The following TGIF1 variants were observed in gnomAD, a reference collection of about 807,000 sequenced individuals.
The protein encoded by TGIF1 is homeobox protein TGIF1.
Under a neutral mutation model 19.3 loss-of-function variants are expected in TGIF1, and 4 were observed. The ratio of observed to expected loss-of-function variants is 0.21; its 90% confidence interval spans 0.10 to 0.47. The LOEUF (loss-of-function observed/expected upper bound fraction) is 0.47. TGIF1 is among the 20% of genes least tolerant of loss of function. The pLI, the probability that TGIF1 is intolerant of heterozygous loss-of-function variation, is 0.98. For synonymous variants in TGIF1, 122 were observed against 129.3 expected, an observed-to-expected ratio of 0.94 and a Z score of 0.38; for missense variants, 275 against 341.4, an observed-to-expected ratio of 0.81 and a Z score of 1.53.
In TGIF1 at chr18:3,451,962, G is replaced by C; in HGVS notation, c.16+1457G>C. On this transcript the variant is annotated intron_variant, in intron 1 of 2. Transcript: ENST00000343820. The surrounding 1 kb of genome is among the most constrained non-coding windows in gnomAD (Gnocchi z 5.4). ...GGTGGGCCTCCCGGGAATAAGTGAG[G>C]GGCTCTGTGTTTCGAGGATGGTTCT... The C allele has an allele frequency of 6.4e-7, 1 of 1,564,706 alleles. No individual in the cohort carries two copies. The highest frequency in any genetic ancestry group is 1.2e-5 in the South Asian group (1 of 83,242).
At chr18:3,437,640 A>G (rs547543504) in intron 2 of TGIF1, among the ~76,000 whole-genome samples, 25 of 152,216 alleles carry the variant, frequency 1.6e-4, no homozygotes, top group Non-Finnish European at 2.9e-4. Context: ...TTGTATTTCA[A>G]AGCTACACGG....
chr18:3,416,823 C>G (rs1326387968), intron 1 of TGIF1, among the ~76,000 whole-genome samples: 1 of 148,718 alleles, frequency 6.7e-6, no homozygotes, highest in African/African-American at 2.5e-5. Context: ...TCCAACTACT[C>G]AGGAGGCTGA....
chr18:3,433,674 G>T (rs1304387749), intron 2 of TGIF1, among the ~76,000 whole-genome samples: 1 of 152,114 alleles, frequency 6.6e-6, no homozygotes, highest in Non-Finnish European at 1.5e-5. Context: ...GGGTAAAGAG[G>T]TTATTTTTTA....
upstream of TGIF1, chr18:3,448,133 G>C (rs1484862484): frequency 9.1e-6 from 9 of 984,176 alleles, no homozygotes; most frequent in Non-Finnish European, 8.4e-6. Context: ...CTTCGAAAGC[G>C]GCCGAGGCAG....
At chr18:3,445,756 G>GAAAAAAAAAAAAAAAAAAAAAAAAAAAA, upstream of TGIF1, among the ~76,000 whole-genome samples, 1 of 22,746 alleles carries the variant, frequency 4.4e-5, no homozygotes, top group South Asian at 1.7e-3. Context: ...AAAAAAAAGA[G>GAAAAAAAAAAAAAAAAAAAAAAAAAAAA]AAGAAAAGCA....
intron 2 of TGIF1, among the ~76,000 whole-genome samples, chr18:3,429,483 GTT>G (rs1229138133): frequency 6.6e-6 from 1 of 152,030 alleles, no homozygotes; most frequent in Non-Finnish European, 1.5e-5. Flanking sequence ...GATAGTAAAT[GTT>G]GCTAATGGAA....
chr18:3,450,168 TCTCA>T (rs1395816223), exon 1 of TGIF1: 16 of 1,293,942 alleles, frequency 1.2e-5, no homozygotes, highest in Middle Eastern at 3.0e-4. Context: ...TCCTCGCCTC[TCTCA>T]CTCTGACAGC....
chr18:3,449,594 G>A (rs2082834648), upstream of TGIF1: 10 of 943,686 alleles, frequency 1.1e-5, no homozygotes, highest in South Asian at 5.1e-5. Flanking sequence ...GAAGAGCCCC[G>A]GGAGGAGAAG....
At chr18:3,415,386 T>G (rs891789221) in intron 1 of TGIF1, 7 of 463,738 alleles carry the variant, frequency 1.5e-5, no homozygotes, top group African/African-American at 1.2e-4. Context: ...AGAGTGAGAT[T>G]CAGTCAGGGA....
intron 2 of TGIF1, among the ~76,000 whole-genome samples, chr18:3,423,330 T>C (rs1365051299): frequency 6.6e-6 from 1 of 152,060 alleles, no homozygotes; most frequent in East Asian, 1.9e-4. Flanking sequence ...GAGGGTCCCT[T>C]GAGCCCAGAG....
intron 2 of TGIF1, among the ~76,000 whole-genome samples, chr18:3,423,587 G>A (rs1443033461): frequency 6.6e-6 from 1 of 152,104 alleles, no homozygotes; most frequent in Non-Finnish European, 1.5e-5. Flanking sequence ...AGCTACTGAG[G>A]CAGGAGAATG....
At position 3,426,166 on chromosome 18, in the gene TGIF1, C is replaced by CTTTTTTTTTTTTTTTT. The variant is rs10675936; in HGVS notation, c.-45+7956_-45+7971dup. 1.7e-5 allele frequency among the ~76,000 whole-genome samples: 2 copies of CTTTTTTTTTTTTTTTT among 116,612 alleles called. 1 individual carries two copies. 76.5% of individuals were successfully genotyped at this position (116,612 alleles called of 152,430 possible). A position where few individuals can be genotyped will look rare whatever the true frequency, so the allele number is the denominator to read the frequency against. ...CTCAGGCCCAGTTCTGGCTAGGGTC[C>CTTTTTTTTTTTTTTTT]TTTTTTTTTTTTTTTTTTTTGAGAC... On this transcript the variant is annotated intron_variant, in intron 2 of 3. Coordinates refer to the TGIF1 transcript ENST00000401449.
Position 3,450,371 on chromosome 18 carries a change from C to T in TGIF1, c.-119C>T. ...TCCTGTTTAGCAATAACGGCTGGAGCACGTCCTACAAGTTACGGGAGAGTC... is the reference window on the plus strand; with the variant it reads ...TCCTGTTTAGCAATAACGGCTGGAGTACGTCCTACAAGTTACGGGAGAGTC... On this transcript the variant is annotated 5_prime_UTR_variant, in exon 1 of 3. Transcript: ENST00000343820. The T allele has an allele frequency of 2.0e-6, 3 of 1,526,800 alleles. No homozygotes were observed. The highest frequency in any genetic ancestry group is 2.1e-5 in the Admixed American group (1 of 48,636). The allele number at this position is 1,526,800 out of a possible 1,614,324, so 94.6% of individuals were successfully genotyped here. A position where few individuals can be genotyped will look rare whatever the true frequency, so the allele number is the denominator to read the frequency against.
At chr18:3,416,702 G>C (rs2082335893) in intron 1 of TGIF1, among the ~76,000 whole-genome samples, 1 of 151,988 alleles carries the variant, frequency 6.6e-6, no homozygotes, top group African/African-American at 2.4e-5. Flanking sequence ...AGGCCAAGAG[G>C]GGGCAGATAA....
chr18:3,443,933 T>C (rs763572817), intron 2 of TGIF1, among the ~76,000 whole-genome samples: 10 of 151,452 alleles, frequency 6.6e-5, no homozygotes, highest in Non-Finnish European at 1.2e-4. Context: ...GATTGTATTC[T>C]TTCTTTTTTT....
upstream of TGIF1, chr18:3,449,828 T>TC: frequency 3.0e-6 from 3 of 985,408 alleles, no homozygotes; most frequent in Non-Finnish European, 3.6e-6. Flanking sequence ...TGTCCTTTTT[T>TC]CCATCTGTTG....
chr18:3,438,559 A>AC (rs1372857176), intron 2 of TGIF1, among the ~76,000 whole-genome samples: 1 of 139,732 alleles, frequency 7.2e-6, no homozygotes, highest in South Asian at 2.2e-4. Context: ...TCTAGACTTC[A>AC]CCCCCCATCT....
intron 2 of TGIF1, among the ~76,000 whole-genome samples, chr18:3,426,336 T>C (rs1049876557): frequency 5.9e-5 from 9 of 152,010 alleles, no homozygotes; most frequent in African/African-American, 2.2e-4. Flanking sequence ...ACCTAGCTGA[T>C]TTTTGTGTTT....
intron 2 of TGIF1, among the ~76,000 whole-genome samples, chr18:3,437,808 G>A (rs911122209): frequency 6.6e-6 from 1 of 152,190 alleles, no homozygotes; most frequent in African/African-American, 2.4e-5. Flanking sequence ...AAGTGGCCGG[G>A]CACGGTGGCT....
Sources: gnomAD v4.1 joint callset for allele counts (sites outside exome capture counted in the v4.1 genomes callset) on GRCh38, gnomAD v4.1.1 for gene constraint, Gnocchi (gnomAD v3.1) non-coding constraint, MANE v1.5 for transcripts, NCBI Gene and HGNC (gene_info 2026-07-23, HGNC 2026-07-21) for gene names.